Variants in GPR141 observed in about 807,000 individuals in gnomAD.
GPR141 encodes G protein-coupled receptor 141.
A neutral mutation model predicts 6.8 loss-of-function variants in GPR141; 6 were observed. The observed-to-expected ratio is 0.88, with a 90% CI of 0.48 to 1.74. The LOEUF (loss-of-function observed/expected upper bound fraction) is 1.74, where lower values mean the gene tolerates loss of function less well. Ranked by LOEUF, GPR141 falls within the 40% of genes most tolerant of loss-of-function variation. The probability of loss-of-function intolerance (pLI) is 0.01; values close to 1 mark genes in which losing one functional copy is unlikely to be tolerated. For synonymous variants in GPR141, 140 were observed against 142.3 expected (o/e 0.98, Z 0.11); for missense variants, 372 against 372.9 (o/e 1.00, Z 0.02).
rs575542570 is a variant in GPR141, at chr7:37,718,944, T to A, written c.-14-21436T>A. On this transcript the variant is annotated intron_variant, in intron 2 of 2. Transcript: ENST00000334425. ...TTTATTTTAGGCTTCCCTGATAAGT[T>A]GTGTGTGCGTGTATATGTGTTGCAG... 3.2e-4 allele frequency among the ~76,000 whole-genome samples: 49 copies of A among 152,256 alleles called. No homozygotes were observed. In the South Asian group the frequency reaches 9.3e-3, roughly 29 times the overall value.
At chr7:37,702,169 T>A (rs1486653617) in intron 2 of GPR141, among the ~76,000 whole-genome samples, 1 of 152,230 alleles carries the variant, frequency 6.6e-6, no homozygotes, top group South Asian at 2.1e-4. Context: ...TTTTTAGACA[T>A]AAAGTCTGAT....
At chr7:37,703,882 T>C (rs1251961205) in intron 2 of GPR141, among the ~76,000 whole-genome samples, 2 of 152,286 alleles carry the variant, frequency 1.3e-5, no homozygotes, top group South Asian at 4.1e-4. Context: ...TTTTTCACTT[T>C]CAAAAATACA....
chr7:37,737,977 A>C (rs1421135703), intron 2 of GPR141, among the ~76,000 whole-genome samples: 3 of 152,198 alleles, frequency 2.0e-5, no homozygotes, highest in Non-Finnish European at 2.9e-5. Context: ...AGTAGAACCA[A>C]ATTTCTTCAT....
At position 37,732,137 on chromosome 7, in the gene GPR141, T is replaced by C. The variant is rs1461358843; in HGVS notation, c.-14-8243T>C. On this transcript the variant is annotated intron_variant, in intron 2 of 2. Coordinates refer to ENST00000334425, the MANE Select transcript of GPR141 (RefSeq NM_001381946.1). Reference sequence around the variant, plus strand: ...ACTTTCTAACTTCTCCTTTTCTTTCTCTCTCTCTTTTTTTTTTTTTTTTTG... The same window carrying C: ...ACTTTCTAACTTCTCCTTTTCTTTCCCTCTCTCTTTTTTTTTTTTTTTTTG... 1.2e-4 allele frequency among the ~76,000 whole-genome samples: 17 copies of C among 137,374 alleles called. No homozygotes were observed. The East Asian group carries it at 3.4e-3, about 27-fold the overall frequency. 90.1% of individuals were successfully genotyped at this position (137,374 alleles called of 152,430 possible).
rs1812499720 is a variant in GPR141, at chr7:37,740,689, T to C, written c.296T>C (p.Met99Thr). ...GTGAGTGCCATGCTGCACATCCACATGTACCTCACGTTCCTATTCTATGTG... is the reference window on the plus strand; with the variant it reads ...GTGAGTGCCATGCTGCACATCCACACGTACCTCACGTTCCTATTCTATGTG... ...KFVSAMLHIH[M>T]YLTFLFYVVI... is the part of the protein sequence containing the mutation. Residue 99 changes from methionine (M) to threonine (T), a missense_variant, in exon 3 of 3, where the codon ATG becomes ACG. By Grantham distance (81) the Met-to-Thr change is moderately conservative (BLOSUM62 -1). Coordinates refer to ENST00000334425, the MANE Select transcript of GPR141 (RefSeq NM_001381946.1). 6.2e-7 allele frequency: 1 copy of C among 1,614,056 alleles called. No homozygotes were observed. Among genetic ancestry groups the C allele is most frequent in the South Asian group, 1.1e-5 (1 of 91,086 alleles).
chr7:37,738,582 T>C (rs1401984368), intron 2 of GPR141, among the ~76,000 whole-genome samples: 2 of 151,818 alleles, frequency 1.3e-5, no homozygotes, highest in African/African-American at 4.8e-5. Flanking sequence ...GTTAAGTGAG[T>C]CACAATTCCT....
At chr7:37,736,914 A>C (rs1030864506) in intron 2 of GPR141, among the ~76,000 whole-genome samples, 2 of 152,198 alleles carry the variant, frequency 1.3e-5, no homozygotes. Context: ...CTAGGGATTG[A>C]ATGTTAATGA....
chr7:37,704,517 G>C (rs1367072092), intron 2 of GPR141, among the ~76,000 whole-genome samples: 1 of 152,072 alleles, frequency 6.6e-6, no homozygotes, highest in Admixed American at 6.6e-5. Flanking sequence ...ACTATCATGG[G>C]AACAGCATGG....
At chr7:37,729,746 T>A (rs1369725249) in intron 2 of GPR141, among the ~76,000 whole-genome samples, 2 of 151,970 alleles carry the variant, frequency 1.3e-5, no homozygotes, top group Admixed American at 1.3e-4. Flanking sequence ...TGAGTGGGGG[T>A]AATATTTTGG....
At position 37,685,533 on chromosome 7, in the gene GPR141, G is replaced by A. The variant is rs1265033832; in HGVS notation, c.-65G>A. 4.6e-5 allele frequency: 7 copies of A among 151,476 alleles called. No homozygotes were observed. Among genetic ancestry groups the A allele is most frequent in the Admixed American group, 6.6e-5 (1 of 15,142 alleles). The allele number at this position is 151,476 out of a possible 1,614,324, so 9.4% of individuals were successfully genotyped here. ...CTCACTGACTGCAGCATCGACCTCC[G>A]GGGCTCAAGTGATCCTTTCATCTCA... On this transcript the variant is annotated 5_prime_UTR_variant, in exon 2 of 3. Transcript: ENST00000334425.
intron 2 of GPR141, among the ~76,000 whole-genome samples, chr7:37,706,662 GTAC>G (rs952165757): frequency 2.0e-5 from 3 of 152,154 alleles, no homozygotes; most frequent in African/African-American, 7.2e-5. Flanking sequence ...GCTGAACCTA[GTAC>G]TCAAATGGAG....
intron 2 of GPR141, among the ~76,000 whole-genome samples, chr7:37,723,282 C>T (rs976903735): frequency 2.0e-5 from 3 of 151,962 alleles, no homozygotes; most frequent in Admixed American, 6.6e-5. Flanking sequence ...CATGAGCCAC[C>T]GTGCCTGGCC....
chr7:37,700,702 A>G (rs184232835), intron 2 of GPR141, among the ~76,000 whole-genome samples: 6 of 152,216 alleles, frequency 3.9e-5, no homozygotes, highest in African/African-American at 1.4e-4. Context: ...AATTAAAACA[A>G]CCTCCTAGTC....
chr7:37,722,329 A>T (rs972165069), intron 2 of GPR141, among the ~76,000 whole-genome samples: 1 of 152,114 alleles, frequency 6.6e-6, no homozygotes, highest in African/African-American at 2.4e-5. Context: ...GCTGGCTTGC[A>T]TCTGCAGTCC....
chr7:37,724,561 G>A (rs140861524), intron 2 of GPR141, among the ~76,000 whole-genome samples: 155 of 152,256 alleles, frequency 1.0e-3, no homozygotes, highest in African/African-American at 3.3e-3. Flanking sequence ...CACTGAGCTC[G>A]TCCTTAATGT....
intron 2 of GPR141, among the ~76,000 whole-genome samples, chr7:37,739,726 T>C (rs773169432): frequency 6.6e-6 from 1 of 151,966 alleles, no homozygotes; most frequent in African/African-American, 2.4e-5. Flanking sequence ...GAGTAGGAGA[T>C]GAGAGAGTTG....
At chr7:37,690,167 A>C (rs751055827) in intron 2 of GPR141, among the ~76,000 whole-genome samples, 13 of 152,034 alleles carry the variant, frequency 8.6e-5, no homozygotes, top group Non-Finnish European at 1.6e-4. Flanking sequence ...ATTCAGGAGC[A>C]TGTTTTTTTG....
At chr7:37,740,177 T>C (rs1812460566) in intron 2 of GPR141, among the ~76,000 whole-genome samples, 1 of 152,204 alleles carries the variant, frequency 6.6e-6, no homozygotes, top group South Asian at 2.1e-4. Context: ...TTTATTCCTA[T>C]TAAAGAGTAA....
chr7:37,697,427 T>A (rs1810070870), intron 2 of GPR141, among the ~76,000 whole-genome samples: 1 of 152,240 alleles, frequency 6.6e-6, no homozygotes, highest in Non-Finnish European at 1.5e-5. Context: ...AAGTTTATTT[T>A]AAAAACTTTA....
Sources: gnomAD v4.1 joint callset for allele counts (sites outside exome capture counted in the v4.1 genomes callset) on GRCh38, gnomAD v4.1.1 for gene constraint, MANE v1.5 for transcripts, NCBI Gene and HGNC (gene_info 2026-07-23, HGNC 2026-07-21) for gene names.